Variants in MOB3B observed in about 807,000 individuals in gnomAD.
MOB3B encodes the protein MOB kinase activator-like 2B.
Under a neutral mutation model 18.7 loss-of-function variants are expected in MOB3B, and 7 were observed. The observed-to-expected ratio is 0.37, with a 90% CI of 0.21 to 0.70. The LOEUF (loss-of-function observed/expected upper bound fraction) is 0.70. Ranked by LOEUF, MOB3B falls within the 30% of genes least tolerant of loss-of-function variation. MOB3B has a pLI of 0.52. For missense variants in MOB3B, 253 were observed against 281.3 expected, an observed-to-expected ratio of 0.90 and a Z score of 0.72; for synonymous variants, 111 against 99.9, an observed-to-expected ratio of 1.11 and a Z score of -0.66.
intron 3 of MOB3B, among the ~76,000 whole-genome samples, chr9:27,356,880 A>G (rs12340484): frequency 0.02 from 3,061 of 151,720 alleles, 102 homozygotes; most frequent in African/African-American, 0.07. Flanking sequence ...GCACAACCTT[A>G]TCTTCCCATA....
intron 3 of MOB3B, among the ~76,000 whole-genome samples, chr9:27,340,707 T>A (rs1262943100): frequency 1.3e-5 from 2 of 152,180 alleles, no homozygotes; most frequent in African/African-American, 2.4e-5. Context: ...CCAACCTGAT[T>A]TCTGCTCAGA....
chr9:27,382,535 C>T (rs1209373443), intron 2 of MOB3B, among the ~76,000 whole-genome samples: 3 of 152,032 alleles, frequency 2.0e-5, no homozygotes, highest in Non-Finnish European at 2.9e-5. Flanking sequence ...CTAATCAATC[C>T]GGGCATGTTG....
At chr9:27,498,205 CTA>C in intron 1 of MOB3B, among the ~76,000 whole-genome samples, 1 of 152,188 alleles carries the variant, frequency 6.6e-6, no homozygotes, top group East Asian at 1.9e-4. Flanking sequence ...TAAAAGGCCA[CTA>C]TGTTGAAAGC....
At chr9:27,363,160 TA>T (rs1332403957) in intron 2 of MOB3B, among the ~76,000 whole-genome samples, 1 of 152,204 alleles carries the variant, frequency 6.6e-6, no homozygotes, top group Non-Finnish European at 1.5e-5. Flanking sequence ...ATTACATAAC[TA>T]AAAGAAAAGG....
chr9:27,334,761 G>T (rs905643996), intron 3 of MOB3B, among the ~76,000 whole-genome samples: 3 of 152,232 alleles, frequency 2.0e-5, no homozygotes, highest in African/African-American at 4.8e-5. Context: ...AGACTACAAA[G>T]AAATCAACGC....
intron 2 of MOB3B, among the ~76,000 whole-genome samples, chr9:27,375,806 C>T (rs1427055293): frequency 6.6e-6 from 1 of 152,112 alleles, no homozygotes; most frequent in Non-Finnish European, 1.5e-5. Context: ...CCCATTGGGA[C>T]CTTAATTAAC....
chr9:27,479,585 G>A (rs990832510), intron 1 of MOB3B, among the ~76,000 whole-genome samples: 7 of 151,966 alleles, frequency 4.6e-5, no homozygotes, highest in African/African-American at 1.7e-4. Context: ...AATAAGCAAT[G>A]ATAAGCAAAG....
chr9:27,352,371 C>CAA (rs372959856), intron 3 of MOB3B, among the ~76,000 whole-genome samples: 34 of 68,252 alleles, frequency 5.0e-4, no homozygotes, highest in East Asian at 1.4e-3. Context: ...GACCCTGTCT[C>CAA]AAAAAAAAAA....
rs1192445543 is a variant in MOB3B, at chr9:27,359,144, C to A, written c.511G>T (p.Asp171Tyr). 1.2e-6 allele frequency: 2 copies of A among 1,613,916 alleles called. No homozygotes were observed. Among genetic ancestry groups the A allele is most frequent in the African/African-American group, 1.3e-5 (1 of 74,946 alleles). ...VFVHVYIHHF[D>Y]RVIVMGAEAH... ...TCTGCACCCATCACAATGACCCGGT[C>A]GAAGTGGTGGATATAGACGTGGACA... Residue 171 changes from aspartate (D) to tyrosine (Y), a missense_variant, in exon 3 of 4, where the codon GAC becomes TAC. Asp to Tyr is a radical substitution (Grantham distance 160). Transcript: ENST00000262244.
intron 2 of MOB3B, among the ~76,000 whole-genome samples, chr9:27,378,090 T>C (rs150856301): frequency 8.1e-4 from 123 of 152,340 alleles, no homozygotes; most frequent in African/African-American, 2.6e-3. Flanking sequence ...TACTTATGTC[T>C]CAATTTTTAC....
rs1820501629 is a variant in MOB3B at position 27,529,718 on chromosome 9, C to A, written c.-362G>T. 2 of 985,324 alleles carry A rather than the reference C, an allele frequency of 2.0e-6. No individual in the cohort carries two copies. The highest frequency in any genetic ancestry group is 6.1e-5 in the Admixed American group (1 of 16,268). 61.0% of individuals were successfully genotyped at this position (985,324 alleles called of 1,614,324 possible). Reference sequence around the variant, plus strand: ...CGCGAGGTCCCGGCGAGCCAACCGGCGGACGGGCGAGCGCCTGGCTCCAGC... The same window carrying A: ...CGCGAGGTCCCGGCGAGCCAACCGGAGGACGGGCGAGCGCCTGGCTCCAGC... On this transcript the variant is annotated 5_prime_UTR_variant, in exon 1 of 4. Transcript: ENST00000262244.
At chr9:27,527,263 G>C (rs1292653906) in intron 1 of MOB3B, among the ~76,000 whole-genome samples, 1 of 152,070 alleles carries the variant, frequency 6.6e-6, no homozygotes, top group Non-Finnish European at 1.5e-5. Context: ...CTTTTTTGTT[G>C]CTTCTGGGTT....
Position 27,341,415 on chromosome 9 carries a change from T to C in MOB3B, c.622-10799A>G, listed in dbSNP as rs187093392. Among the ~76,000 whole-genome samples, 8 of 152,314 alleles carry C rather than the reference T, an allele frequency of 5.3e-5. No homozygotes were observed. In the East Asian group the frequency reaches 1.3e-3, roughly 26 times the overall value. On this transcript the variant is annotated intron_variant, in intron 3 of 3. Coordinates refer to ENST00000262244, the MANE Select transcript of MOB3B (RefSeq NM_024761.5). ...GCTTGCCATTGCTTAATAAGACCTCTATTGTGTGTCTGATGAAAACATATG... is the reference window on the plus strand; with the variant it reads ...GCTTGCCATTGCTTAATAAGACCTCCATTGTGTGTCTGATGAAAACATATG...
At chr9:27,399,106 G>A (rs1821840552) in intron 2 of MOB3B, among the ~76,000 whole-genome samples, 1 of 152,094 alleles carries the variant, frequency 6.6e-6, no homozygotes, top group Non-Finnish European at 1.5e-5. Flanking sequence ...AGGAAACCAA[G>A]CCCACATGAG....
At chr9:27,436,570 A>T (rs1343300762) in intron 2 of MOB3B, among the ~76,000 whole-genome samples, 1 of 152,230 alleles carries the variant, frequency 6.6e-6, no homozygotes, top group East Asian at 1.9e-4. Flanking sequence ...ACTGTTGGGT[A>T]CATAGTAAGT....
chr9:27,513,737 T>C (rs773290098), intron 1 of MOB3B, among the ~76,000 whole-genome samples: 6 of 152,234 alleles, frequency 3.9e-5, no homozygotes, highest in Non-Finnish European at 7.3e-5. Flanking sequence ...TCTTGCCCTG[T>C]TTATTTCCTT....
intron 1 of MOB3B, among the ~76,000 whole-genome samples, chr9:27,521,546 T>C (rs953290888): frequency 4.6e-5 from 7 of 152,130 alleles, no homozygotes; most frequent in African/African-American, 1.4e-4. Flanking sequence ...TTAAAACCCA[T>C]GGTTAAGGAG....
chr9:27,435,535 A>T (rs1587211374), intron 2 of MOB3B, among the ~76,000 whole-genome samples: 1 of 152,146 alleles, frequency 6.6e-6, no homozygotes, highest in East Asian at 1.9e-4. Context: ...CATGTCACTC[A>T]TCTGCCTTCA....
chr9:27,344,551 G>C (rs113941855), intron 3 of MOB3B, among the ~76,000 whole-genome samples: 6 of 152,330 alleles, frequency 3.9e-5, no homozygotes, highest in Admixed American at 2.6e-4. Context: ...TGCAGTATAC[G>C]TACAAAGGCT....
Sources: gnomAD v4.1 joint callset for allele counts (sites outside exome capture counted in the v4.1 genomes callset) on GRCh38, gnomAD v4.1.1 for gene constraint, MANE v1.5 for transcripts, NCBI Gene and HGNC (gene_info 2026-07-23, HGNC 2026-07-21) for gene names.